SCOC: variants seen among roughly 807,000 people sequenced by gnomAD.
SCOC encodes the protein short coiled coil protein.
In SCOC, 7 loss-of-function variants were observed where a neutral mutation model predicts 9.9. That is an observed-to-expected ratio of 0.71 (90% confidence interval 0.40 to 1.33). SCOC has a LOEUF of 1.33. SCOC is among the 40% of genes most tolerant of loss of function. The pLI is 0.01. For synonymous variants in SCOC, 19 were observed against 28.2 expected, an observed-to-expected ratio of 0.67 and a Z score of 1.03; for missense variants, 66 against 89.7, an observed-to-expected ratio of 0.74 and a Z score of 1.07.
intron 2 of SCOC, among the ~76,000 whole-genome samples, chr4:140,363,093 A>G (rs1560721493): frequency 2.6e-5 from 4 of 152,176 alleles, no homozygotes; most frequent in African/African-American, 4.8e-5. Flanking sequence ...TTCCTCTCCT[A>G]TATTATAACC....
chr4:140,332,598 C>A (rs1164582739), intron 1 of SCOC, among the ~76,000 whole-genome samples: 1 of 151,970 alleles, frequency 6.6e-6, no homozygotes, highest in Non-Finnish European at 1.5e-5. Context: ...GGGATGGTTT[C>A]GATCTCCTGA....
chr4:140,356,013 G>GGACAT (rs1294854982), intron 2 of SCOC, among the ~76,000 whole-genome samples: 1 of 152,122 alleles, frequency 6.6e-6, no homozygotes, highest in Non-Finnish European at 1.5e-5. Flanking sequence ...GTTGGATTAT[G>GGACAT]GACATCTGTC....
chr4:140,323,472 A>C (rs913568860), intron 1 of SCOC, among the ~76,000 whole-genome samples: 5 of 152,172 alleles, frequency 3.3e-5, no homozygotes, highest in Non-Finnish European at 5.9e-5. Flanking sequence ...TAAAGTCATA[A>C]ATTTGATAAG....
rs367795160 is a variant in SCOC, at chr4:140,362,299, C to CTTCTTCTTCTTCTTCTTCTTCTTCTTCT, written c.71-16820_71-16819insCTTCTTCTTCTTCTTCTTCTTCTTCTTT. Among the ~76,000 whole-genome samples, 16 of 38,376 alleles carry CTTCTTCTTCTTCTTCTTCTTCTTCTTCT rather than the reference C, an allele frequency of 4.2e-4. 1 individual carries two copies. The highest frequency in any genetic ancestry group is 1.1e-3 in the African/African-American group (15 of 13,386). The allele number at this position is 38,376 out of a possible 152,430, so 25.2% of individuals were successfully genotyped here. ...CTTACTTCTTCTTCTTCTTCTTCTT[C>CTTCTTCTTCTTCTTCTTCTTCTTCTTCT]TTTTTTTTTTTTTTTTGTGAGAGTC... On this transcript the variant is annotated intron_variant, in intron 2 of 4. Transcript: ENST00000338517.
Position 140,265,336 on chromosome 4 carries a change from G to A in SCOC, c.-19+7926G>A, listed in dbSNP as rs150262584. Among the ~76,000 whole-genome samples, 51 of 152,228 alleles carry A rather than the reference G, an allele frequency of 3.4e-4. 1 individual carries two copies. In the East Asian group the frequency reaches 9.5e-3, roughly 28 times the overall value. ...TCAGTTTGCCTGTTCTCTTTTAGCC[G>A]GGTATTTAAATGCTTATGTGGTGGT... is the stretch of plus-strand genomic sequence containing the variant. On this transcript the variant is annotated intron_variant, in intron 1 of 4. Coordinates refer to the SCOC transcript ENST00000394205.
upstream of SCOC, chr4:140,373,606 C>A (rs780142144): frequency 6.4e-7 from 1 of 1,551,728 alleles, no homozygotes; most frequent in Non-Finnish European, 8.7e-7. Flanking sequence ...ATTCTTCTCA[C>A]GGCGCACGTT....
intron 1 of SCOC, among the ~76,000 whole-genome samples, chr4:140,292,103 G>T (rs1731491838): frequency 6.6e-6 from 1 of 151,290 alleles, no homozygotes; most frequent in African/African-American, 2.4e-5. Flanking sequence ...CATCCTCATT[G>T]ACTGACCATC....
At chr4:140,260,015 C>T (rs1730596591) in intron 1 of SCOC, among the ~76,000 whole-genome samples, 1 of 152,180 alleles carries the variant, frequency 6.6e-6, no homozygotes, top group Non-Finnish European at 1.5e-5. Context: ...AATCTCACTC[C>T]CAGCTTGAAA....
chr4:140,290,471 T>C (rs369829440), intron 1 of SCOC, among the ~76,000 whole-genome samples: 1 of 152,178 alleles, frequency 6.6e-6, no homozygotes, highest in Non-Finnish European at 1.5e-5. Flanking sequence ...CATCTTACAA[T>C]AGACTACTGC....
upstream of SCOC, among the ~76,000 whole-genome samples, chr4:140,341,799 A>G (rs1726519698): frequency 6.6e-6 from 1 of 152,192 alleles, no homozygotes; most frequent in Admixed American, 6.5e-5. Context: ...GCTCCCAGCC[A>G]GTAACTAAGT....
At chr4:140,339,126 ACCC>A (rs1163362123), upstream of SCOC, among the ~76,000 whole-genome samples, 38 of 152,286 alleles carry the variant, frequency 2.5e-4, no homozygotes, top group African/African-American at 9.1e-4. Context: ...AACAGAACAG[ACCC>A]CTCAGAAATA....
chr4:140,316,825 T>C (rs764744898), intron 1 of SCOC, among the ~76,000 whole-genome samples: 1 of 152,226 alleles, frequency 6.6e-6, no homozygotes, highest in Non-Finnish European at 1.5e-5. Context: ...ATTACTTTTG[T>C]AGCAGGTATG....
intron 1 of SCOC, among the ~76,000 whole-genome samples, chr4:140,276,042 T>C (rs1730972775): frequency 6.6e-6 from 1 of 151,966 alleles, no homozygotes; most frequent in Admixed American, 6.6e-5. Flanking sequence ...CTCACGATGT[T>C]GCCCAGGCTG....
intron 2 of SCOC, among the ~76,000 whole-genome samples, chr4:140,358,290 TTGC>T (rs1727319799): frequency 6.6e-6 from 1 of 152,234 alleles, no homozygotes; most frequent in Admixed American, 6.5e-5. Flanking sequence ...GTTACGATCA[TTGC>T]TGCTAAGTCC....
chr4:140,362,299 C>CTT (rs1183789218), intron 2 of SCOC, among the ~76,000 whole-genome samples: 4 of 38,372 alleles, frequency 1.0e-4, no homozygotes, highest in Non-Finnish European at 2.0e-4. Flanking sequence ...TCTTCTTCTT[C>CTT]TTTTTTTTTT....
intron 1 of SCOC, among the ~76,000 whole-genome samples, chr4:140,286,402 A>G (rs1731270405): frequency 1.3e-5 from 2 of 151,918 alleles, no homozygotes. Flanking sequence ...AGGGAGGGAT[A>G]GGGTGGTGGC....
At chr4:140,379,278 T>A in intron 2 of SCOC, 86 bp downstream of exon 2, 1 of 924,118 alleles carries the variant, frequency 1.1e-6, no homozygotes, top group East Asian at 2.4e-5. Context: ...AGAGAAACCA[T>A]GTTTAGAAGA....
At chr4:140,369,857 ATTTTTTTTTTTTTT>A (rs540817613), upstream of SCOC, among the ~76,000 whole-genome samples, 3 of 31,374 alleles carry the variant, frequency 9.6e-5, no homozygotes, top group Non-Finnish European at 1.4e-4. Context: ...CAGAAGGGGG[ATTTTTTTTTTTTTT>A]TTTTTTTTTT....
At chr4:140,368,989 A>G (rs1166928883), upstream of SCOC, among the ~76,000 whole-genome samples, 2 of 151,762 alleles carry the variant, frequency 1.3e-5, no homozygotes, top group Non-Finnish European at 2.9e-5. Flanking sequence ...AATTATTTCC[A>G]TTTTTATGAT....
Sources: gnomAD v4.1 joint callset for allele counts (sites outside exome capture counted in the v4.1 genomes callset) on GRCh38, gnomAD v4.1.1 for gene constraint, MANE v1.5 for transcripts, NCBI Gene and HGNC (gene_info 2026-07-23, HGNC 2026-07-21) for gene names.